The following LDB2 variants were observed in gnomAD, a reference collection of about 807,000 sequenced individuals.
The protein encoded by LDB2 is LIM domain-binding protein 2.
Under a neutral mutation model 44.3 loss-of-function variants are expected in LDB2, and 12 were observed. The ratio of observed to expected loss-of-function variants is 0.27; its 90% confidence interval spans 0.17 to 0.44. The LOEUF is 0.44. Among genes scored for constraint, LDB2 ranks in the 20% least tolerant of loss-of-function variants. The probability of loss-of-function intolerance (pLI) is 1.00; values close to 1 mark genes in which losing one functional copy is unlikely to be tolerated. For missense variants in LDB2, 344 were observed against 473.5 expected, an observed-to-expected ratio of 0.73 and a Z score of 2.54; for synonymous variants, 164 against 174.8, an observed-to-expected ratio of 0.94 and a Z score of 0.49.
chr4:16,739,366 C>A (rs1762489935), intron 2 of LDB2, among the ~76,000 whole-genome samples: 1 of 150,748 alleles, frequency 6.6e-6, no homozygotes, highest in South Asian at 2.1e-4. Context: ...GCAGGCAGAT[C>A]ACTTGAGGTC....
intron 1 of LDB2, among the ~76,000 whole-genome samples, chr4:16,782,141 A>G (rs1773387636): frequency 1.3e-5 from 2 of 152,198 alleles, no homozygotes; most frequent in Non-Finnish European, 2.9e-5. Flanking sequence ...CAGGCCAGGT[A>G]TCATTACCAT....
chr4:16,707,351 A>G (rs1014812554), intron 2 of LDB2, among the ~76,000 whole-genome samples: 1 of 152,220 alleles, frequency 6.6e-6, no homozygotes, highest in Non-Finnish European at 1.5e-5. Context: ...CCTTTAGAGC[A>G]CAAAATTAAA....
chr4:16,717,159 AAATAATAAT>A (rs140994016), intron 2 of LDB2, among the ~76,000 whole-genome samples: 1,523 of 146,492 alleles, frequency 0.01, 36 homozygotes, highest in African/African-American at 0.037. Flanking sequence ...AGCTAATAGC[AAATAATAAT>A]AATAATAATA....
intron 4 of LDB2, among the ~76,000 whole-genome samples, chr4:16,586,986 TA>T (rs1451458898): frequency 1.3e-5 from 2 of 152,156 alleles, no homozygotes; most frequent in Non-Finnish European, 2.9e-5. Context: ...TATATATAAA[TA>T]AAAAATGCAG....
At chr4:16,841,157 A>G (rs114429) in intron 1 of LDB2, among the ~76,000 whole-genome samples, 96,233 of 152,014 alleles carry the variant, frequency 0.63, 30,574 homozygotes, top group Middle Eastern at 0.73. Context: ...TACCCCTGTA[A>G]AAAAAGATTC....
chr4:16,617,315 A>T (rs918609074), intron 2 of LDB2, among the ~76,000 whole-genome samples: 10 of 152,050 alleles, frequency 6.6e-5, no homozygotes, highest in African/African-American at 2.4e-4. Flanking sequence ...GAAAAAAAAA[A>T]TGGTAGGAAG....
chr4:16,581,304 C>A, intron 5 of LDB2: 1 of 577,094 alleles, frequency 1.7e-6, no homozygotes, highest in Non-Finnish European at 2.2e-6. Context: ...TCAGAGAGGT[C>A]AAGCAACTTG....
chr4:16,646,496 T>A (rs893745685), intron 2 of LDB2, among the ~76,000 whole-genome samples: 1 of 152,206 alleles, frequency 6.6e-6, no homozygotes, highest in East Asian at 1.9e-4. Flanking sequence ...GTGACTTGCT[T>A]TGGCCAAAGG....
intron 5 of LDB2, among the ~76,000 whole-genome samples, chr4:16,551,495 A>G (rs886242243): frequency 6.6e-6 from 1 of 151,988 alleles, no homozygotes; most frequent in Non-Finnish European, 1.5e-5. Context: ...TACTTCAACT[A>G]TCTATTTATT....
intron 1 of LDB2, among the ~76,000 whole-genome samples, chr4:16,855,453 A>G (rs777258448): frequency 2.6e-5 from 4 of 152,174 alleles, no homozygotes; most frequent in African/African-American, 7.2e-5. Flanking sequence ...TAGGAAAAAC[A>G]CTTGTATGAT....
At chr4:16,618,107 G>A (rs368876294) in intron 2 of LDB2, among the ~76,000 whole-genome samples, 4 of 152,042 alleles carry the variant, frequency 2.6e-5, no homozygotes, top group Non-Finnish European at 5.9e-5. Flanking sequence ...CATTAACTAC[G>A]TACACTTGTC....
At chr4:16,896,976 T>A (rs1178360768) in intron 1 of LDB2, among the ~76,000 whole-genome samples, 5 of 152,214 alleles carry the variant, frequency 3.3e-5, no homozygotes, top group Admixed American at 3.3e-4. Context: ...AGAGCAAGAG[T>A]ACCAGCAGTC....
intron 2 of LDB2, among the ~76,000 whole-genome samples, chr4:16,679,590 C>T (rs1747284327): frequency 6.6e-6 from 1 of 152,138 alleles, no homozygotes. Flanking sequence ...GAAACAGGAG[C>T]AGATGTGGGA....
intron 2 of LDB2, among the ~76,000 whole-genome samples, chr4:16,725,348 C>G (rs1579093632): frequency 6.6e-6 from 1 of 151,872 alleles, no homozygotes; most frequent in Non-Finnish European, 1.5e-5. Flanking sequence ...ATGGCCAGAC[C>G]ATACATAAAA....
intron 5 of LDB2, 120 bp downstream of exon 5, chr4:16,585,802 A>G: frequency 1.5e-6 from 1 of 682,340 alleles, no homozygotes; most frequent in Non-Finnish European, 2.6e-6. Context: ...CATCTGGTAC[A>G]GAACATAGAC....
At chr4:16,511,763 G>A (rs1272484152) in intron 6 of LDB2, among the ~76,000 whole-genome samples, 1 of 152,190 alleles carries the variant, frequency 6.6e-6, no homozygotes, top group Non-Finnish European at 1.5e-5. Context: ...TGAGTTGCAG[G>A]TCCTAATCTG....
intron 1 of LDB2, among the ~76,000 whole-genome samples, chr4:16,770,253 C>A (rs1206931086): frequency 6.6e-6 from 1 of 152,112 alleles, no homozygotes; most frequent in African/African-American, 2.4e-5. Context: ...TAACACATGG[C>A]AGGAAGACAA....
At chr4:16,614,451 G>A (rs945804936) in intron 2 of LDB2, among the ~76,000 whole-genome samples, 5 of 152,058 alleles carry the variant, frequency 3.3e-5, no homozygotes, top group Admixed American at 6.5e-5. Flanking sequence ...CTTCTGCACA[G>A]CAAAGGAAAC....
At chr4:16,845,328 T>C (rs1580173906) in intron 1 of LDB2, among the ~76,000 whole-genome samples, 1 of 152,212 alleles carries the variant, frequency 6.6e-6, no homozygotes, top group East Asian at 1.9e-4. Flanking sequence ...CTCTCAGCTC[T>C]TTCTGTGACT....
Sources: gnomAD v4.1 joint callset for allele counts (sites outside exome capture counted in the v4.1 genomes callset) on GRCh38, gnomAD v4.1.1 for gene constraint, MANE v1.5 for transcripts, NCBI Gene and HGNC (gene_info 2026-07-23, HGNC 2026-07-21) for gene names.